ALDOA: variants seen among roughly 807,000 people sequenced by gnomAD.
ALDOA encodes the protein fructose-bisphosphate aldolase A.
Under a neutral mutation model 43.9 loss-of-function variants are expected in ALDOA, and 26 were observed. That is an observed-to-expected ratio of 0.59 (90% confidence interval 0.43 to 0.82). The LOEUF (loss-of-function observed/expected upper bound fraction) is 0.82, where lower values mean the gene tolerates loss of function less well. Among genes scored for constraint, ALDOA ranks in the 40% least tolerant of loss-of-function variants. The pLI is 0.00. For missense variants in ALDOA, 498 were observed against 549.5 expected (o/e 0.91, Z 0.94); for synonymous variants, 258 against 222.6 (o/e 1.16, Z -1.42).
chr16:30,067,683 G>A (rs769145643), intron 4 of ALDOA, 22 bp downstream of exon 4: 49 of 1,613,588 alleles, frequency 3.0e-5, no homozygotes, highest in Admixed American at 2.2e-4. Flanking sequence ...GCCTCCGGAC[G>A]TGAGGTTTGA....
chr16:30,070,024 G>T lies in ALDOA; in HGVS notation c.1156G>T (p.Ala386Ser). 6.2e-7 allele frequency: 1 copy of T among 1,613,786 alleles called. No individual in the cohort carries two copies. Among genetic ancestry groups the T allele is most frequent in the Non-Finnish European group, 8.5e-7 (1 of 1,180,016 alleles). ...TGCGCAGGAGGAGTATGTCAAGCGA[G>T]CCCTGGTAAGGATAGGCAGGAGGTG... ...KAAQEEYVKR[A>S]LANSLACQGK... is the part of the protein sequence containing the mutation. The change falls in exon 9 of 10, where the codon GCC (alanine) becomes TCC (serine). Residue 386 changes from alanine to serine, a missense_variant. By Grantham distance (99) the Ala-to-Ser change is moderately conservative (BLOSUM62 1). Coordinates refer to ENST00000642816, the MANE Select transcript of ALDOA (RefSeq NM_001243177.4).
In ALDOA at chr16:30,070,325, C is replaced by T. The variant is rs1429541592; in HGVS notation, c.*113C>T. The stretch of plus-strand genomic sequence containing the variant: ...CTGGCTTGCCCGCGCTCTTTCTTCC[C>T]TCGTGACAGTGGTGTGTGGTGTCGT... On this transcript the variant is annotated 3_prime_UTR_variant, in exon 10 of 10. Coordinates refer to ENST00000642816, the MANE Select transcript of ALDOA (RefSeq NM_001243177.4). 4 of 962,424 alleles carry T rather than the reference C, an allele frequency of 4.2e-6. No individual in the cohort carries two copies. Among genetic ancestry groups the T allele is most frequent in the Non-Finnish European group, 3.3e-6 (2 of 605,548 alleles). 59.6% of individuals were successfully genotyped at this position (962,424 alleles called of 1,614,324 possible).
At chr16:30,068,723 C>T (rs1375603361) in intron 5 of ALDOA, 23 bp downstream of exon 5, 7 of 1,614,118 alleles carry the variant, frequency 4.3e-6, no homozygotes, top group Middle Eastern at 3.3e-4. Context: ...TGATTCTCTG[C>T]CCTACGAACC....
chr16:30,067,671 G>A lies in ALDOA; in HGVS notation c.486+10G>A, dbSNP rs763974400. On this transcript the variant is annotated intron_variant, in intron 4 of 9. Coordinates refer to ENST00000642816, the MANE Select transcript of ALDOA (RefSeq NM_001243177.4). ...TGTTGTGGGCATCAAGGTAAGGGGA[G>A]GGCCTCCGGACGTGAGGTTTGAGAT... 19 of 1,613,946 alleles carry A rather than the reference G, an allele frequency of 1.2e-5. No homozygotes were observed. In the Middle Eastern group the frequency reaches 8.2e-4, roughly 70 times the overall value.
Position 30,070,320 on chromosome 16 carries a change from C to A in ALDOA, c.*108C>A. On this transcript the variant is annotated 3_prime_UTR_variant, in exon 10 of 10. Coordinates refer to ENST00000642816, the MANE Select transcript of ALDOA (RefSeq NM_001243177.4). ...CCAGGCTGGCTTGCCCGCGCTCTTT[C>A]TTCCCTCGTGACAGTGGTGTGTGGT... 9.7e-7 allele frequency: 1 copy of A among 1,034,536 alleles called. No homozygotes were observed. Among genetic ancestry groups the A allele is most frequent in the Non-Finnish European group, 1.5e-6 (1 of 668,118 alleles). The allele number at this position is 1,034,536 out of a possible 1,614,324, so 64.1% of individuals were successfully genotyped here. A position where few individuals can be genotyped will look rare whatever the true frequency, so the allele number is the denominator to read the frequency against.
chr16:30,069,787 G>T (rs2151019152), intron 8 of ALDOA, 43 bp from the exon 9 acceptor site: 3 of 1,613,266 alleles, frequency 1.9e-6, no homozygotes, highest in Non-Finnish European at 2.5e-6. Context: ...CAGCTTCCTG[G>T]GTCTCTGACC....
intron 5 of ALDOA, 21 bp from the exon 6 acceptor site, chr16:30,068,797 G>A: frequency 6.2e-7 from 1 of 1,614,176 alleles, no homozygotes; most frequent in Non-Finnish European, 8.5e-7. Flanking sequence ...ACCGTGCTCT[G>A]ACCCCTTCCT....
chr16:30,064,913 A>G, upstream of ALDOA: 1 of 165,756 alleles, frequency 6.0e-6, no homozygotes, highest in Non-Finnish European at 1.3e-5. Flanking sequence ...TCTGGGAGGC[A>G]GATCAGTTCG....
At position 30,069,196 on chromosome 16, in the gene ALDOA, C is replaced by T. The variant is rs550680791; in HGVS notation, c.703-110C>T. 51 of 1,399,972 alleles carry T rather than the reference C, an allele frequency of 3.6e-5. No individual in the cohort carries two copies. The East Asian group carries it at 9.4e-4, about 26-fold the overall frequency. 86.7% of individuals were successfully genotyped at this position (1,399,972 alleles called of 1,614,324 possible). ...CTCCTGTAATCTGAGGGCTTTGAAG[C>T]CTGAGTCCCTGGCATCATCAAGATA... is the stretch of plus-strand genomic sequence containing the variant. On this transcript the variant is annotated intron_variant, in intron 6 of 9. Coordinates refer to ENST00000642816, the MANE Select transcript of ALDOA (RefSeq NM_001243177.4).
chr16:30,064,446 C>T (rs962819636), upstream of ALDOA: 2 of 398,624 alleles, frequency 5.0e-6, no homozygotes, highest in African/African-American at 4.1e-5. Context: ...AGATTTATTT[C>T]TCTTGACAAC....
upstream of ALDOA, chr16:30,064,602 G>A (rs753764058): frequency 2.5e-6 from 1 of 397,810 alleles, no homozygotes; most frequent in Non-Finnish European, 4.4e-6. Flanking sequence ...GAATGTCAGG[G>A]GCTTCAGGTT....
rs749551179 is a variant in ALDOA, at chr16:30,069,834, C to T, written c.966C>T (p.Ile322=). 85 of 1,614,044 alleles carry T rather than the reference C, an allele frequency of 5.3e-5. No homozygotes were observed. Among genetic ancestry groups the T allele is most frequent in the Non-Finnish European group, 6.8e-5 (80 of 1,180,036 alleles). ...RRTVPPAVTG[I]TFLSGGQSEE... Reference sequence around the variant, plus strand: ...CGCCTCACCCCTGCTCTACAGGGATCACCTTCCTGTCTGGAGGCCAGAGTG... The same window carrying T: ...CGCCTCACCCCTGCTCTACAGGGATTACCTTCCTGTCTGGAGGCCAGAGTG... Residue 322 remains isoleucine (I), a synonymous_variant, in exon 9 of 10, where the codon ATC becomes ATT. Transcript: ENST00000642816.
chr16:30,069,219 A>G (rs2072226783), intron 6 of ALDOA, 87 bp from the exon 7 acceptor site: 4 of 1,492,216 alleles, frequency 2.7e-6, no homozygotes, highest in African/African-American at 2.8e-5. Context: ...CATCATCAAG[A>G]TACGGTCTTG....
Position 30,069,837 on chromosome 16 carries a change from C to T in ALDOA, c.969C>T (p.Thr323=), listed in dbSNP as rs1188281732. The change falls in exon 9 of 10, where the codon ACC becomes ACT. Residue 323 remains threonine, a synonymous_variant. Transcript: ENST00000642816. ...CTCACCCCTGCTCTACAGGGATCAC[C>T]TTCCTGTCTGGAGGCCAGAGTGAGG... ...RTVPPAVTGI[T]FLSGGQSEEE... The T allele has an allele frequency of 6.2e-6, 10 of 1,614,156 alleles. No homozygotes were observed. The highest frequency in any genetic ancestry group is 3.3e-5 in the South Asian group (3 of 91,082).
At chr16:30,068,316 G>A (rs551354058) in intron 4 of ALDOA, 5 of 365,680 alleles carry the variant, frequency 1.4e-5, no homozygotes, top group East Asian at 7.0e-5. Flanking sequence ...TGCCCACCTC[G>A]GCCTCCCAAA....
chr16:30,068,418 A>G (rs1486249559), intron 4 of ALDOA: 2 of 601,910 alleles, frequency 3.3e-6, no homozygotes, highest in Non-Finnish European at 6.0e-6. Flanking sequence ...CAGCCCTGAG[A>G]TGCAGTTTAA....
upstream of ALDOA, chr16:30,064,577 G>A (rs1167455532): frequency 7.5e-6 from 3 of 398,450 alleles, no homozygotes; most frequent in African/African-American, 2.1e-5. Context: ...CCCATGCCGG[G>A]CCCCACGATA....
Position 30,067,219 on chromosome 16 carries a change from G to C in ALDOA, c.142-15G>C. 1 of 1,612,160 alleles carries C rather than the reference G, an allele frequency of 6.2e-7. No homozygotes were observed. Among genetic ancestry groups the C allele is most frequent in the Non-Finnish European group, 8.5e-7 (1 of 1,179,964 alleles). ...CCTAGCTAACTAGTCCTTCCCCTCT[G>C]TTTCCTGTATCCAGGAACTTGCTAC... is the stretch of plus-strand genomic sequence containing the variant. On this transcript the variant is annotated splice_polypyrimidine_tract_variant and intron_variant, in intron 2 of 9. Coordinates refer to ENST00000642816, the MANE Select transcript of ALDOA (RefSeq NM_001243177.4).
chr16:30,068,613 T>G, intron 4 of ALDOA, 33 bp from the exon 5 acceptor site: 1 of 1,612,520 alleles, frequency 6.2e-7, no homozygotes, highest in East Asian at 2.2e-5. Flanking sequence ...GGTCATTTCC[T>G]GTGTCTTAAT....
Sources: gnomAD v4.1 joint callset for allele counts on GRCh38, gnomAD v4.1.1 for gene constraint, MANE v1.5 for transcripts, NCBI Gene and HGNC (gene_info 2026-07-23, HGNC 2026-07-21) for gene names.